Variants in CATSPER1 observed in about 807,000 individuals in gnomAD.
CATSPER1 encodes cation channel sperm-associated protein 1.
A neutral mutation model predicts 72.7 loss-of-function variants in CATSPER1; 57 were observed. That is an observed-to-expected ratio of 0.78 (90% CI 0.63 to 0.98). CATSPER1 has a LOEUF of 0.98. CATSPER1 is among the 50% of genes least tolerant of loss of function. The pLI is 0.00. For synonymous variants in CATSPER1, 363 were observed against 403.0 expected (o/e 0.90, Z 1.19); for missense variants, 910 against 1,033.9 (o/e 0.88, Z 1.64).
Position 66,016,935 on chromosome 11 carries a change from C to T in CATSPER1, c.2317-19G>A. 1 of 1,614,048 alleles carries T rather than the reference C, an allele frequency of 6.2e-7. No homozygotes were observed. The highest frequency in any genetic ancestry group is 8.5e-7 in the Non-Finnish European group (1 of 1,179,978). On this transcript the variant is annotated intron_variant, in intron 11 of 11. Transcript: ENST00000312106. ...CTCCAGCCTGCAGGGGTGAGTGGGG[C>T]ACTGGTGGGTGAATGAGCCAGACTT...
In CATSPER1 at chr11:66,016,920, C is replaced by T. The variant is rs1278934776; in HGVS notation, c.2317-4G>A. 1 of 1,614,094 alleles carries T rather than the reference C, an allele frequency of 6.2e-7. No individual in the cohort carries two copies. The highest frequency in any genetic ancestry group is 2.2e-5 in the East Asian group (1 of 44,882). On this transcript the variant is annotated splice_polypyrimidine_tract_variant and splice_region_variant and intron_variant, in intron 11 of 11. Transcript: ENST00000312106. ...TCCTGAAGTCCTCTTCTCCAGCCTGCAGGGGTGAGTGGGGCACTGGTGGGT... is the reference window on the plus strand; with the variant it reads ...TCCTGAAGTCCTCTTCTCCAGCCTGTAGGGGTGAGTGGGGCACTGGTGGGT...
chr11:66,025,123 A>G (rs755991476), intron 1 of CATSPER1, 41 bp downstream of exon 1: 10 of 1,612,156 alleles, frequency 6.2e-6, no homozygotes, highest in Non-Finnish European at 8.5e-6. Context: ...ATCCTGCGCC[A>G]GGCAGCAGGA....
intron 9 of CATSPER1, among the ~76,000 whole-genome samples, chr11:66,019,553 A>G (rs1173779675): frequency 6.6e-6 from 1 of 152,004 alleles, no homozygotes; most frequent in African/African-American, 2.4e-5. Context: ...CTGGGATTAC[A>G]GGTGTAAGCC....
rs897280768 is a variant in CATSPER1 at position 66,023,197 on chromosome 11, C to G, written c.1217-136G>C. 5.8e-5 allele frequency: 52 copies of G among 900,788 alleles called. No individual in the cohort carries two copies. In the Admixed American group the frequency reaches 9.8e-4, roughly 17 times the overall value. The allele number at this position is 900,788 out of a possible 1,614,324, so 55.8% of individuals were successfully genotyped here. On this transcript the variant is annotated intron_variant, in intron 1 of 11. Transcript: ENST00000312106. ...CTCTGCCTCCCGGGTTCAAGCAACT[C>G]TTGTGCCTCAGCCTCCCAAGTAGCT... is the stretch of plus-strand genomic sequence containing the variant.
At position 66,025,768 on chromosome 11, in the gene CATSPER1, G is replaced by A. The variant is rs1856488415; in HGVS notation, c.612C>T (p.His204=). ...SEASHLSGLQ[H]DESQHHQVPH... ...GGACTTGGTGATGCTGGGACTCATC[G>A]TGTTGGAGCCCGCTAAGGTGGGAAG... The change falls in exon 1 of 12, where the codon CAC becomes CAT. Residue 204 remains histidine (H), a synonymous_variant. Transcript: ENST00000312106. 6 of 1,613,720 alleles carry A rather than the reference G, an allele frequency of 3.7e-6. No homozygotes were observed. The African/African-American group carries it at 4.0e-5, about 11-fold the overall frequency.
At chr11:66,017,833 G>A (rs868585882) in intron 10 of CATSPER1, among the ~76,000 whole-genome samples, 11 of 152,216 alleles carry the variant, frequency 7.2e-5, no homozygotes, top group Middle Eastern at 3.2e-3. Flanking sequence ...GGGGCCCAGA[G>A]GAGGGAAACC....
At position 66,025,366 on chromosome 11, in the gene CATSPER1, G is replaced by A. The variant is rs936684973; in HGVS notation, c.1014C>T (p.Ala338=). 2 of 1,614,132 alleles carry A rather than the reference G, an allele frequency of 1.2e-6. No homozygotes were observed. Among genetic ancestry groups the A allele is most frequent in the African/African-American group, 2.7e-5 (2 of 75,030 alleles). ...CTGTACGAGAAGCAGCAGGGCCGGG[G>A]GCATCGTGAATCAGGCTCCGGGATG... ...PHTSRSLIHD[A]PGPAASRTGV... is the part of the protein sequence containing the mutation. Residue 338 remains alanine (A), a synonymous_variant, in exon 1 of 12, where the codon GCC becomes GCT. Transcript: ENST00000312106.
intron 1 of CATSPER1, 151 bp downstream of exon 1, chr11:66,025,013 A>G: frequency 2.2e-6 from 2 of 900,700 alleles, no homozygotes; most frequent in East Asian, 2.5e-5. Context: ...AGATGGGACC[A>G]TGAACAGTCA....
At chr11:66,021,350 A>G in intron 4 of CATSPER1, 146 bp downstream of exon 4, 1 of 1,239,744 alleles carries the variant, frequency 8.1e-7, no homozygotes, top group Non-Finnish European at 1.1e-6. Flanking sequence ...ATTCCAGTGC[A>G]TGACAGAAGG....
At chr11:66,017,031 C>T (rs370297715) in intron 11 of CATSPER1, 29 bp downstream of exon 11, 146 of 1,612,198 alleles carry the variant, frequency 9.1e-5, no homozygotes, top group Admixed American at 1.7e-4. Context: ...TTCCCCTCGC[C>T]GGCCCCTTCC....
intron 10 of CATSPER1, among the ~76,000 whole-genome samples, chr11:66,017,692 C>G (rs1856267026): frequency 6.6e-6 from 1 of 152,158 alleles, no homozygotes; most frequent in South Asian, 2.1e-4. Flanking sequence ...ATCTTGTCAA[C>G]CCATTCATCA....
chr11:66,025,262 C>T lies in CATSPER1; in HGVS notation c.1118G>A (p.Arg373His), dbSNP rs751535876. The T allele has an allele frequency of 2.3e-5, 37 of 1,614,000 alleles. No homozygotes were observed. Among genetic ancestry groups the T allele is most frequent in the Non-Finnish European group, 2.7e-5 (32 of 1,180,022 alleles). The change falls in exon 1 of 12, where the codon CGT becomes CAT. Residue 373 changes from arginine to histidine, a missense_variant. Physicochemically the swap from Arg to His is conservative, Grantham distance 29. Transcript: ENST00000312106. ...GACTTTTTTGGACATCTGGGTGACA[C>T]GTGAGCGGATTGTGCTGGAGGACCG... ...MTRSSSTIRS[R>H]VTQMSKKVHT...
rs890303786 is a variant in CATSPER1, at chr11:66,018,716, C to A, written c.2201+111G>T. On this transcript the variant is annotated intron_variant, in intron 10 of 11. Coordinates refer to ENST00000312106, the MANE Select transcript of CATSPER1 (RefSeq NM_053054.4). ...ACAGGCTCATCCACAAGCCTCAGCG[C>A]TCCATCCCCTTCTAGAGGGGCAGGC... 4 of 1,211,306 alleles carry A rather than the reference C, an allele frequency of 3.3e-6. No individual in the cohort carries two copies. The South Asian group carries it at 4.9e-5, about 15-fold the overall frequency. 75.0% of individuals were successfully genotyped at this position (1,211,306 alleles called of 1,614,324 possible).
At position 66,026,388 on chromosome 11, in the gene CATSPER1, T is replaced by G. The variant is rs1856512389; in HGVS notation, c.-9A>C. On this transcript the variant is annotated 5_prime_UTR_variant, in exon 1 of 12. Transcript: ENST00000312106. ...ACTGAGTTTTGATCCATGACTGTGC[T>G]GGGAACTCTGGAGCCAAAAGAGCTC... is the stretch of plus-strand genomic sequence containing the variant. The G allele has an allele frequency of 6.2e-7, 1 of 1,605,350 alleles. No individual in the cohort carries two copies. The highest frequency in any genetic ancestry group is 1.3e-5 in the African/African-American group (1 of 74,808).
chr11:66,020,393 G>C lies in CATSPER1; in HGVS notation c.1992-4C>G. ...CACCAGGACAGTAATCACCAGGCTGGGGAGAGGGACAGGGGTGTGCCCTCA... is the reference window on the plus strand; with the variant it reads ...CACCAGGACAGTAATCACCAGGCTGCGGAGAGGGACAGGGGTGTGCCCTCA... On this transcript the variant is annotated splice_polypyrimidine_tract_variant and splice_region_variant and intron_variant, in intron 7 of 11. Coordinates refer to ENST00000312106, the MANE Select transcript of CATSPER1 (RefSeq NM_053054.4). This position sits in a 1 kb window ranked among gnomAD's most constrained non-coding sequence, Gnocchi z 4.5. The C allele has an allele frequency of 6.2e-7, 1 of 1,614,018 alleles. No individual in the cohort carries two copies.
Sources: gnomAD v4.1 joint callset for allele counts (sites outside exome capture counted in the v4.1 genomes callset) on GRCh38, gnomAD v4.1.1 for gene constraint, Gnocchi (gnomAD v3.1) non-coding constraint, MANE v1.5 for transcripts, NCBI Gene and HGNC (gene_info 2026-07-23, HGNC 2026-07-21) for gene names.